The following DNAAF5 variants were observed in gnomAD, a reference collection of about 807,000 sequenced individuals.
DNAAF5 encodes dynein axonemal assembly factor 5, also known as HEAT repeat containing 2.
In DNAAF5, 64 loss-of-function variants were observed where a neutral mutation model predicts 75.8. That is an observed-to-expected ratio of 0.84 (90% CI 0.69 to 1.04). The LOEUF (loss-of-function observed/expected upper bound fraction) is 1.04, where lower values mean the gene tolerates loss of function less well. DNAAF5 is among the 50% of genes least tolerant of loss of function. The pLI, the probability that DNAAF5 is intolerant of heterozygous loss-of-function variation, is 0.00. For missense variants in DNAAF5, 1,269 were observed against 1,178.5 expected, an observed-to-expected ratio of 1.08 and a Z score of -1.12; for synonymous variants, 657 against 557.2, an observed-to-expected ratio of 1.18 and a Z score of -2.52.
chr7:731,002 T>G (rs933848299), intron 2 of DNAAF5, among the ~76,000 whole-genome samples: 1 of 152,196 alleles, frequency 6.6e-6, no homozygotes, highest in African/African-American at 2.4e-5. Context: ...CAGCAGGCAC[T>G]TCTGGCACTG....
At position 732,555 on chromosome 7, in the gene DNAAF5, G is replaced by A. The variant is rs112247105; in HGVS notation, c.780+2708G>A. 1.6e-3 allele frequency: 740 copies of A among 456,138 alleles called. 9 individuals carry two copies. The highest frequency in any genetic ancestry group is 0.013 in the African/African-American group (674 of 50,206). The allele number at this position is 456,138 out of a possible 1,614,324, so 28.3% of individuals were successfully genotyped here. ...TCCGGGAGCAACAGATGTTACAGGAGAGACTGGGGATGCATGGACAGCTTT... is the reference window on the plus strand; with the variant it reads ...TCCGGGAGCAACAGATGTTACAGGAAAGACTGGGGATGCATGGACAGCTTT... On this transcript the variant is annotated intron_variant, in intron 2 of 12. Coordinates refer to ENST00000297440, the MANE Select transcript of DNAAF5 (RefSeq NM_017802.4).
At chr7:775,728 C>T (rs549096989) in intron 11 of DNAAF5, among the ~76,000 whole-genome samples, 3 of 152,160 alleles carry the variant, frequency 2.0e-5, no homozygotes, top group East Asian at 1.9e-4. Context: ...ACATTGCATT[C>T]GGCCTTAAAA....
Position 786,014 on chromosome 7 carries a change from G to A in DNAAF5, c.*361G>A, listed in dbSNP as rs1008201297. The A allele has an allele frequency of 5.3e-6, 1 of 189,888 alleles. No individual in the cohort carries two copies. Among genetic ancestry groups the A allele is most frequent in the Admixed American group, 6.0e-5 (1 of 16,626 alleles). The allele number at this position is 189,888 out of a possible 1,614,324, so 11.8% of individuals were successfully genotyped here. A position where few individuals can be genotyped will look rare whatever the true frequency, so the allele number is the denominator to read the frequency against. ...ATCCTGCTTAGGTGCCCACCAAGAA[G>A]GTTTTTACCTACTTAACAAAAAAGA... On this transcript the variant is annotated 3_prime_UTR_variant, in exon 13 of 13. Coordinates refer to ENST00000297440, the MANE Select transcript of DNAAF5 (RefSeq NM_017802.4).
chr7:782,159 C>CTTG (rs1778972858), intron 12 of DNAAF5, among the ~76,000 whole-genome samples: 3 of 152,098 alleles, frequency 2.0e-5, no homozygotes, highest in Non-Finnish European at 2.9e-5. Context: ...CTCGGATCTT[C>CTTG]GCGGCGTGGC....
intron 5 of DNAAF5, among the ~76,000 whole-genome samples, chr7:756,395 G>A (rs1478703565): frequency 1.3e-5 from 2 of 151,864 alleles, no homozygotes; most frequent in Admixed American, 1.3e-4. Context: ...CGGTGCAGAG[G>A]GGCTGGTGAG....
At chr7:728,638 C>T (rs576451008) in intron 1 of DNAAF5, among the ~76,000 whole-genome samples, 34 of 152,342 alleles carry the variant, frequency 2.2e-4, no homozygotes, top group African/African-American at 3.1e-4. Flanking sequence ...CACTTCCCTA[C>T]CCAGTCTGTA....
chr7:732,567 G>A (rs1309984376), intron 2 of DNAAF5: 2 of 456,124 alleles, frequency 4.4e-6, no homozygotes, highest in Admixed American at 4.7e-5. Flanking sequence ...GACTGGGGAT[G>A]CATGGACAGC....
At chr7:740,785 T>C in intron 2 of DNAAF5, 34 bp from the exon 3 acceptor site, 1 of 1,611,488 alleles carries the variant, frequency 6.2e-7, no homozygotes, top group South Asian at 1.1e-5. Context: ...CCCCTTTGCC[T>C]ACACGAATCC....
chr7:773,329 G>T (rs377482695), intron 9 of DNAAF5, among the ~76,000 whole-genome samples: 2 of 152,232 alleles, frequency 1.3e-5, no homozygotes, highest in African/African-American at 4.8e-5. Context: ...CAGGCTTCAC[G>T]GACGCTGGAG....
chr7:733,628 C>A (rs1298961430), intron 2 of DNAAF5, among the ~76,000 whole-genome samples: 1 of 152,130 alleles, frequency 6.6e-6, no homozygotes, highest in Non-Finnish European at 1.5e-5. Flanking sequence ...TCCCGAGTAG[C>A]TGGGACTACA....
At chr7:751,681 C>T (rs544951497) in intron 4 of DNAAF5, among the ~76,000 whole-genome samples, 2 of 148,728 alleles carry the variant, frequency 1.3e-5, no homozygotes, top group Non-Finnish European at 3.0e-5. Context: ...TCAAGTGATT[C>T]TGCTGCCTCA....
chr7:757,221 C>T (rs1782513664), intron 6 of DNAAF5, among the ~76,000 whole-genome samples: 1 of 152,258 alleles, frequency 6.6e-6, no homozygotes, highest in South Asian at 2.1e-4. Flanking sequence ...GGGGCCTCGT[C>T]CTGGGCTGTG....
intron 4 of DNAAF5, among the ~76,000 whole-genome samples, chr7:748,752 C>G (rs1019034508): frequency 6.6e-6 from 1 of 152,218 alleles, no homozygotes; most frequent in Non-Finnish European, 1.5e-5. Context: ...AGGCGGTGAG[C>G]CAGGCTTAGT....
intron 8 of DNAAF5, among the ~76,000 whole-genome samples, chr7:767,112 G>A (rs550587286): frequency 4.0e-3 from 611 of 152,038 alleles, no homozygotes; most frequent in Non-Finnish European, 6.8e-3. Context: ...GGTGGCGGGC[G>A]CTTGTGGTCC....
rs1342194291 is a variant in DNAAF5, at chr7:726,706, G to A, written c.-15G>A. 4.0e-6 allele frequency: 5 copies of A among 1,237,148 alleles called. No individual in the cohort carries two copies. The highest frequency in any genetic ancestry group is 3.8e-5 in the South Asian group (1 of 26,376). 76.6% of individuals were successfully genotyped at this position (1,237,148 alleles called of 1,614,324 possible). On this transcript the variant is annotated 5_prime_UTR_variant, in exon 1 of 13. Coordinates refer to ENST00000297440, the MANE Select transcript of DNAAF5 (RefSeq NM_017802.4). ...GAAAGCGCTGTTCCCCTTAGTGACC[G>A]GCGACGCGGGCAAGATGGCGGCGCT...
At chr7:764,085 T>C in intron 8 of DNAAF5, 111 bp downstream of exon 8, 1 of 1,180,510 alleles carries the variant, frequency 8.5e-7, no homozygotes, top group East Asian at 2.4e-5. Context: ...TGTGGTTCAC[T>C]GAAGCGTGTT....
intron 2 of DNAAF5, among the ~76,000 whole-genome samples, chr7:730,641 AC>A (rs1733985316): frequency 6.6e-6 from 1 of 152,056 alleles, no homozygotes; most frequent in Admixed American, 6.5e-5. Flanking sequence ...GCTGGGGTCC[AC>A]CCGTAGGGCC....
chr7:757,125 G>A (rs963120903), intron 6 of DNAAF5, 131 bp downstream of exon 6: 3 of 860,492 alleles, frequency 3.5e-6, no homozygotes, highest in African/African-American at 3.4e-5. Context: ...CCAGCGACGT[G>A]TCTGTGGGTC....
rs989842817 is a variant in DNAAF5 at position 760,833 on chromosome 7, C to G, written c.1471-920C>G. Among the ~76,000 whole-genome samples the G allele has an allele frequency of 2.0e-5, 3 of 152,306 alleles. No individual in the cohort carries two copies. In the East Asian group the frequency reaches 5.8e-4, roughly 29 times the overall value. On this transcript the variant is annotated intron_variant, in intron 6 of 12. Coordinates refer to ENST00000297440, the MANE Select transcript of DNAAF5 (RefSeq NM_017802.4). ...CAGCCGTAGGTGCAGAGCTGAGACT[C>G]CACCTCCCCGTCAATCAGTAAACAT...
Sources: allele counts gnomAD v4.1 joint callset (sites outside exome capture counted in the v4.1 genomes callset), GRCh38; gene constraint gnomAD v4.1.1; transcripts MANE v1.5; gene names NCBI Gene and HGNC (gene_info 2026-07-23, HGNC 2026-07-21).